The following RSBN1L variants were observed in gnomAD, a reference collection of about 807,000 sequenced individuals.
RSBN1L encodes round spermatid basic protein 1 like, also known as lysine-specific demethylase RSBN1L.
A neutral mutation model predicts 67.7 loss-of-function variants in RSBN1L; 30 were observed. That is an observed-to-expected ratio of 0.44 (90% CI 0.33 to 0.60). The LOEUF (loss-of-function observed/expected upper bound fraction) is 0.60, where lower values mean the gene tolerates loss of function less well. Among genes scored for constraint, RSBN1L ranks in the 20% least tolerant of loss-of-function variants. The probability of loss-of-function intolerance (pLI) is 0.02; values close to 1 mark genes in which losing one functional copy is unlikely to be tolerated. For synonymous variants in RSBN1L, 433 were observed against 387.0 expected, an observed-to-expected ratio of 1.12 and a Z score of -1.39; for missense variants, 992 against 1,031.7, an observed-to-expected ratio of 0.96 and a Z score of 0.53.
chr7:77,743,173 C>T (rs1223304491), intron 2 of RSBN1L, among the ~76,000 whole-genome samples: 1 of 152,132 alleles, frequency 6.6e-6, no homozygotes, highest in Admixed American at 6.5e-5. Flanking sequence ...TCTGCCTCAG[C>T]CTCCTGAGTA....
intron 6 of RSBN1L, among the ~76,000 whole-genome samples, chr7:77,776,617 T>A (rs1381980333): frequency 6.6e-6 from 1 of 152,240 alleles, no homozygotes; most frequent in East Asian, 1.9e-4. Flanking sequence ...CAAGTACACA[T>A]TTAGAATTGT....
intron 5 of RSBN1L, among the ~76,000 whole-genome samples, chr7:77,772,450 A>C (rs1791862089): frequency 1.3e-5 from 2 of 152,242 alleles, no homozygotes; most frequent in Non-Finnish European, 2.9e-5. Flanking sequence ...TTCTGCAATG[A>C]GTGAGGCTAA....
intron 1 of RSBN1L, among the ~76,000 whole-genome samples, chr7:77,711,322 ATTTTTTTT>A (rs200143722): frequency 7.2e-6 from 1 of 138,628 alleles, no homozygotes; most frequent in Admixed American, 7.4e-5. Context: ...TTGCATATTA[ATTTTTTTT>A]TTTTTTTTTT....
intron 1 of RSBN1L, among the ~76,000 whole-genome samples, chr7:77,706,266 T>C (rs1223079066): frequency 1.3e-5 from 2 of 152,080 alleles, no homozygotes; most frequent in African/African-American, 4.8e-5. Flanking sequence ...TTAGTAGAGA[T>C]GGGGTTTCAC....
chr7:77,714,568 T>G (rs756705834), intron 1 of RSBN1L, among the ~76,000 whole-genome samples: 3 of 152,182 alleles, frequency 2.0e-5, no homozygotes, highest in Non-Finnish European at 4.4e-5. Context: ...ATTCCTTTTG[T>G]GGAGATAGCA....
chr7:77,727,275 C>T lies in RSBN1L; in HGVS notation c.587-9135C>T, dbSNP rs578047408. 1.2e-4 allele frequency among the ~76,000 whole-genome samples: 18 copies of T among 151,910 alleles called. No individual in the cohort carries two copies. In the South Asian group the frequency reaches 2.5e-3, roughly 21 times the overall value. On this transcript the variant is annotated intron_variant, in intron 1 of 7. Coordinates refer to ENST00000334955, the MANE Select transcript of RSBN1L (RefSeq NM_198467.3). ...ACTAGTTTTATATTTTTAGTACAGA[C>T]GGGGTTTCTCCATGTTGGTGAGGCT...
chr7:77,774,855 C>T (rs1003279379), intron 6 of RSBN1L, among the ~76,000 whole-genome samples: 3 of 152,222 alleles, frequency 2.0e-5, no homozygotes, highest in African/African-American at 7.2e-5. Flanking sequence ...TTATTAGAGC[C>T]ATTAAAAATT....
At chr7:77,701,239 G>T (rs1249536771) in intron 1 of RSBN1L, among the ~76,000 whole-genome samples, 1 of 151,642 alleles carries the variant, frequency 6.6e-6, no homozygotes, top group Non-Finnish European at 1.5e-5. Flanking sequence ...TTTAGCCTGG[G>T]TTGTTTCCTC....
At position 77,701,180 on chromosome 7, in the gene RSBN1L, C is replaced by A. The variant is rs1226833735; in HGVS notation, c.586+4125C>A. ...AAAAAAAAAAAAAAAACAACAACAA[C>A]AACAACAACAAAAAAAAACGACATC... On this transcript the variant is annotated intron_variant, in intron 1 of 7. Transcript: ENST00000334955. Among the ~76,000 whole-genome samples the A allele has an allele frequency of 2.7e-3, 378 of 137,696 alleles. 1 individual carries two copies. Among genetic ancestry groups the A allele is most frequent in the African/African-American group, 9.8e-3 (356 of 36,144 alleles). 90.3% of individuals were successfully genotyped at this position (137,696 alleles called of 152,430 possible).
intron 4 of RSBN1L, among the ~76,000 whole-genome samples, chr7:77,766,893 T>C (rs1050310437): frequency 1.4e-4 from 22 of 152,356 alleles, no homozygotes; most frequent in Middle Eastern, 3.4e-3. Flanking sequence ...AGTTACATCA[T>C]GGAATTAGGT....
Position 77,781,342 on chromosome 7 carries a change from T to G in RSBN1L, c.*2174T>G, listed in dbSNP as rs924963671. 7 of 152,224 alleles carry G rather than the reference T, an allele frequency of 4.6e-5. No homozygotes were observed. Among genetic ancestry groups the G allele is most frequent in the Non-Finnish European group, 8.8e-5 (6 of 68,042 alleles). 9.4% of individuals were successfully genotyped at this position (152,224 alleles called of 1,614,324 possible). ...TTTAATCTTCTGTTTTAAGCTAAAT[T>G]TATGGATTTGCACCTACCTTTTTGA... On this transcript the variant is annotated 3_prime_UTR_variant, in exon 8 of 8. Transcript: ENST00000334955.
At chr7:77,703,606 A>G (rs894873293) in intron 1 of RSBN1L, among the ~76,000 whole-genome samples, 7 of 144,548 alleles carry the variant, frequency 4.8e-5, no homozygotes, top group Non-Finnish European at 8.9e-5. Flanking sequence ...CTCCTGCCTC[A>G]GCCTCCCAAG....
chr7:77,754,013 T>C (rs1791587310), intron 3 of RSBN1L, among the ~76,000 whole-genome samples: 1 of 152,238 alleles, frequency 6.6e-6, no homozygotes, highest in Non-Finnish European at 1.5e-5. Flanking sequence ...GTTTGTCTAA[T>C]TGTTACAGCT....
intron 1 of RSBN1L, among the ~76,000 whole-genome samples, chr7:77,707,438 T>G (rs1311891106): frequency 6.6e-6 from 1 of 152,218 alleles, no homozygotes; most frequent in East Asian, 1.9e-4. Context: ...ACCTTTTTAT[T>G]AAGAAATTAA....
intron 1 of RSBN1L, among the ~76,000 whole-genome samples, chr7:77,722,671 C>T (rs1242790600): frequency 1.3e-5 from 2 of 151,928 alleles, no homozygotes; most frequent in Non-Finnish European, 1.5e-5. Context: ...GCTTTTCCTT[C>T]TGCTTCAAAT....
chr7:77,701,235 CT>C (rs1182545546), intron 1 of RSBN1L, among the ~76,000 whole-genome samples: 1 of 151,620 alleles, frequency 6.6e-6, no homozygotes, highest in Non-Finnish European at 1.5e-5. Flanking sequence ...CTGCTTTAGC[CT>C]GGGTTGTTTC....
chr7:77,722,349 T>G (rs551532124), intron 1 of RSBN1L, among the ~76,000 whole-genome samples: 1 of 151,976 alleles, frequency 6.6e-6, no homozygotes, highest in Non-Finnish European at 1.5e-5. Context: ...CCTAGGTAAA[T>G]GTGCAGGTTT....
intron 1 of RSBN1L, among the ~76,000 whole-genome samples, chr7:77,703,119 T>G (rs978471714): frequency 2.6e-5 from 4 of 152,176 alleles, no homozygotes; most frequent in African/African-American, 9.7e-5. Context: ...TCATAAGTTT[T>G]TACCTAGTCT....
At chr7:77,750,611 A>T (rs554623409) in intron 3 of RSBN1L, among the ~76,000 whole-genome samples, 1 of 152,286 alleles carries the variant, frequency 6.6e-6, no homozygotes, top group African/African-American at 2.4e-5. Context: ...AATATATATT[A>T]TTCTGGAAAG....
Sources: gnomAD v4.1 joint callset for allele counts (sites outside exome capture counted in the v4.1 genomes callset) on GRCh38, gnomAD v4.1.1 for gene constraint, MANE v1.5 for transcripts, NCBI Gene and HGNC (gene_info 2026-07-23, HGNC 2026-07-21) for gene names.